Variants in ACACA observed in about 807,000 individuals in gnomAD.
ACACA encodes the protein acetyl-CoA carboxylase 1.
ACACA carries 103 observed loss-of-function variants against 296.1 expected under a neutral mutation model. The ratio of observed to expected loss-of-function variants is 0.35; its 90% CI spans 0.30 to 0.41. The LOEUF (loss-of-function observed/expected upper bound fraction) is 0.41. ACACA is among the 10% of genes least tolerant of loss of function. The pLI, the probability that ACACA is intolerant of heterozygous loss-of-function variation, is 1.00. For missense variants in ACACA, 1,554 were observed against 2,989.7 expected (o/e 0.52, Z 11.20); for synonymous variants, 953 against 1,038.6 (o/e 0.92, Z 1.58).
chr17:37,201,267 T>C (rs2078234316), intron 33 of ACACA, among the ~76,000 whole-genome samples: 2 of 152,026 alleles, frequency 1.3e-5, no homozygotes, highest in Non-Finnish European at 2.9e-5. Flanking sequence ...GGCAAAACCC[T>C]GTCTCTACTA....
intron 16 of ACACA, among the ~76,000 whole-genome samples, chr17:37,249,649 A>G (rs1171638598): frequency 2.0e-5 from 3 of 152,266 alleles, no homozygotes; most frequent in African/African-American, 7.2e-5. Flanking sequence ...ACATACAGAC[A>G]TTAAAAAGAT....
intron 1 of ACACA, chr17:37,386,190 G>T: frequency 3.6e-6 from 4 of 1,096,162 alleles, no homozygotes; most frequent in Non-Finnish European, 5.2e-6. Flanking sequence ...GAACAGAAAA[G>T]AAACATTTTT....
intron 1 of ACACA, among the ~76,000 whole-genome samples, chr17:37,388,410 A>G (rs1597780638): frequency 6.6e-6 from 1 of 152,216 alleles, no homozygotes; most frequent in East Asian, 1.9e-4. Context: ...GCCCTATGTG[A>G]TTATGGAAAA....
At chr17:37,292,508 G>A (rs913272607) in intron 3 of ACACA, among the ~76,000 whole-genome samples, 2 of 152,138 alleles carry the variant, frequency 1.3e-5, no homozygotes, top group African/African-American at 4.8e-5. Context: ...GCATTTTTCT[G>A]TGCATCATCC....
intron 1 of ACACA, among the ~76,000 whole-genome samples, chr17:37,363,685 A>G (rs1016815304): frequency 2.0e-5 from 3 of 152,092 alleles, no homozygotes; most frequent in African/African-American, 4.8e-5. Context: ...AAAGTGCCTT[A>G]ATAGAAAATA....
At chr17:37,096,402 T>C (rs2072996059) in intron 54 of ACACA, among the ~76,000 whole-genome samples, 1 of 152,206 alleles carries the variant, frequency 6.6e-6, no homozygotes, top group African/African-American at 2.4e-5. Flanking sequence ...CTTACTCTCA[T>C]GGCTTAGGAT....
chr17:37,153,081 A>G (rs1189503898), intron 43 of ACACA, among the ~76,000 whole-genome samples: 1 of 152,226 alleles, frequency 6.6e-6, no homozygotes, highest in Non-Finnish European at 1.5e-5. Context: ...GGGTTAATTA[A>G]CTACATTAAT....
At chr17:37,379,619 T>A (rs886682844) in intron 1 of ACACA, among the ~76,000 whole-genome samples, 1 of 151,924 alleles carries the variant, frequency 6.6e-6, no homozygotes, top group African/African-American at 2.4e-5. Context: ...GCAAAGGACA[T>A]GAACAGACAC....
intron 25 of ACACA, among the ~76,000 whole-genome samples, chr17:37,232,035 C>A (rs1390585178): frequency 6.6e-6 from 1 of 152,206 alleles, no homozygotes; most frequent in Non-Finnish European, 1.5e-5. Context: ...TGATACTTTG[C>A]TTTCCAGACA....
chr17:37,257,932 T>C (rs988042879), intron 13 of ACACA, 66 bp from the exon 14 acceptor site: 101 of 1,574,254 alleles, frequency 6.4e-5, no homozygotes, highest in Non-Finnish European at 8.6e-5. Flanking sequence ...TATATATTCA[T>C]TGTTTAAGTT....
At chr17:37,167,054 C>A (rs2076695398) in intron 41 of ACACA, among the ~76,000 whole-genome samples, 2 of 151,518 alleles carry the variant, frequency 1.3e-5, no homozygotes, top group Middle Eastern at 6.4e-3. Flanking sequence ...AAGCAATTCT[C>A]CTGCCTCAGT....
chr17:37,270,940 T>A, intron 9 of ACACA, 79 bp from the exon 10 acceptor site: 1 of 986,962 alleles, frequency 1.0e-6, no homozygotes, highest in Non-Finnish European at 1.6e-6. Flanking sequence ...TTTCTCCCTT[T>A]AAGAATGCAG....
At chr17:37,325,699 C>T (rs2047588688) in intron 3 of ACACA, among the ~76,000 whole-genome samples, 1 of 148,600 alleles carries the variant, frequency 6.7e-6, no homozygotes, top group Admixed American at 6.8e-5. Flanking sequence ...CTCAGCCTCT[C>T]GACTGGCTGG....
chr17:37,342,516 C>G (rs1448027460), intron 1 of ACACA, among the ~76,000 whole-genome samples: 1 of 137,076 alleles, frequency 7.3e-6, no homozygotes, highest in Non-Finnish European at 1.5e-5. Flanking sequence ...ATATATATAT[C>G]CTATATATAC....
At chr17:37,406,220 G>C (rs748342793) in intron 1 of ACACA, 42 bp downstream of exon 1, 2 of 1,599,864 alleles carry the variant, frequency 1.3e-6, no homozygotes, top group Non-Finnish European at 1.7e-6. Context: ...GTAGCTATTA[G>C]AATCATCATT....
chr17:37,135,160 T>C (rs2075279085), intron 45 of ACACA, among the ~76,000 whole-genome samples: 1 of 152,220 alleles, frequency 6.6e-6, no homozygotes, highest in Non-Finnish European at 1.5e-5. Context: ...TTTTAAGTGG[T>C]GCTGCACATA....
At chr17:37,292,756 T>C (rs1040803672) in intron 3 of ACACA, among the ~76,000 whole-genome samples, 3 of 152,212 alleles carry the variant, frequency 2.0e-5, no homozygotes, top group African/African-American at 2.4e-5. Flanking sequence ...CCCAGCTACC[T>C]GGGAAGCTGA....
At chr17:37,342,913 A>C (rs1203219151) in intron 1 of ACACA, among the ~76,000 whole-genome samples, 2 of 152,138 alleles carry the variant, frequency 1.3e-5, no homozygotes, top group Admixed American at 1.3e-4. Context: ...GGCCAACAGA[A>C]TGAGATTTTG....
rs540880463 is a variant in ACACA at position 37,278,789 on chromosome 17, C to T, written c.611-784G>A. 5.7e-4 allele frequency among the ~76,000 whole-genome samples: 86 copies of T among 152,128 alleles called. 1 individual carries two copies. The highest frequency in any genetic ancestry group is 3.9e-3 in the Admixed American group (59 of 15,264). ...GTAACTTCCTCAAAGTTCATTTCCACCATTTATAAATTTATTTTAGCTTTC... is the reference window on the plus strand; with the variant it reads ...GTAACTTCCTCAAAGTTCATTTCCATCATTTATAAATTTATTTTAGCTTTC... On this transcript the variant is annotated intron_variant, in intron 5 of 55. Coordinates refer to ENST00000616317, the MANE Select transcript of ACACA (RefSeq NM_198834.3).
Sources: gnomAD v4.1 joint callset for allele counts (sites outside exome capture counted in the v4.1 genomes callset) on GRCh38, gnomAD v4.1.1 for gene constraint, MANE v1.5 for transcripts, NCBI Gene and HGNC (gene_info 2026-07-23, HGNC 2026-07-21) for gene names.